SIPA1L2: variants seen among roughly 807,000 people sequenced by gnomAD.
SIPA1L2 encodes signal-induced proliferation-associated 1-like protein 2.
In SIPA1L2, 56 loss-of-function variants were observed where a neutral mutation model predicts 163.9. That is an observed-to-expected ratio of 0.34 (90% CI 0.28 to 0.43). The LOEUF is 0.43. SIPA1L2 is among the 20% of genes least tolerant of loss of function. The probability of loss-of-function intolerance (pLI) is 1.00; values close to 1 mark genes in which losing one functional copy is unlikely to be tolerated. For missense variants in SIPA1L2, 1,974 were observed against 2,193.5 expected (o/e 0.90, Z 2.00); for synonymous variants, 877 against 865.7 (o/e 1.01, Z -0.23).
At chr1:232,538,345 C>G (rs1431127085) in intron 2 of SIPA1L2, among the ~76,000 whole-genome samples, 2 of 152,168 alleles carry the variant, frequency 1.3e-5, no homozygotes, top group Non-Finnish European at 2.9e-5. Context: ...ACACCCACTT[C>G]TCTTCTCCAA....
chr1:232,594,213 A>T (rs1411651525), intron 1 of SIPA1L2, among the ~76,000 whole-genome samples: 3 of 152,202 alleles, frequency 2.0e-5, no homozygotes, highest in Non-Finnish European at 4.4e-5. Flanking sequence ...TGGAACTGAT[A>T]ACATAAGAAG....
chr1:232,480,325 AT>A (rs1241103200), intron 6 of SIPA1L2, among the ~76,000 whole-genome samples: 1 of 152,142 alleles, frequency 6.6e-6, no homozygotes, highest in Non-Finnish European at 1.5e-5. Context: ...AATGTAATTA[AT>A]TTTTTTCTTT....
At chr1:232,488,704 C>T (rs1665770737) in intron 5 of SIPA1L2, among the ~76,000 whole-genome samples, 1 of 152,156 alleles carries the variant, frequency 6.6e-6, no homozygotes, top group African/African-American at 2.4e-5. Context: ...TCATTGACAT[C>T]AGACTGTAAA....
At chr1:232,529,613 T>C (rs1450134172) in intron 2 of SIPA1L2, among the ~76,000 whole-genome samples, 1 of 152,176 alleles carries the variant, frequency 6.6e-6, no homozygotes, top group Non-Finnish European at 1.5e-5. Flanking sequence ...TCATGCTAGC[T>C]AAGATAATGT....
At chr1:232,628,355 C>CAA (rs1663190757) in intron 1 of SIPA1L2, among the ~76,000 whole-genome samples, 2 of 152,086 alleles carry the variant, frequency 1.3e-5, no homozygotes, top group Non-Finnish European at 2.9e-5. Context: ...GATTTATACC[C>CAA]AAAACTTAAG....
intron 1 of SIPA1L2, among the ~76,000 whole-genome samples, chr1:232,612,679 G>C (rs1662308330): frequency 6.6e-6 from 1 of 152,182 alleles, no homozygotes; most frequent in South Asian, 2.1e-4. Context: ...TATCTAAGAA[G>C]TAATTGGCTT....
intron 1 of SIPA1L2, among the ~76,000 whole-genome samples, chr1:232,611,898 C>A (rs1008868557): frequency 3.9e-5 from 6 of 152,334 alleles, no homozygotes; most frequent in Non-Finnish European, 7.3e-5. Context: ...ATATCAGAGG[C>A]CTTCCCAGCA....
intron 10 of SIPA1L2, among the ~76,000 whole-genome samples, chr1:232,451,356 C>G (rs1300093839): frequency 2.0e-5 from 3 of 152,274 alleles, no homozygotes; most frequent in Non-Finnish European, 4.4e-5. Flanking sequence ...TCCTCTCTCC[C>G]ACTTGGGGGG....
chr1:232,562,320 A>G (rs1262989249), intron 2 of SIPA1L2, among the ~76,000 whole-genome samples: 1 of 152,196 alleles, frequency 6.6e-6, no homozygotes, highest in Non-Finnish European at 1.5e-5. Context: ...CTTAAAGTCT[A>G]TCCCCTCCCT....
chr1:232,591,469 C>A (rs1298369997), intron 1 of SIPA1L2, among the ~76,000 whole-genome samples: 1 of 152,258 alleles, frequency 6.6e-6, no homozygotes, highest in Non-Finnish European at 1.5e-5. Context: ...AGCCCTTGGG[C>A]CAGGAGCCCC....
chr1:232,562,372 G>A (rs1304302113), intron 2 of SIPA1L2, among the ~76,000 whole-genome samples: 1 of 152,190 alleles, frequency 6.6e-6, no homozygotes, highest in African/African-American at 2.4e-5. Flanking sequence ...TAATTGCCTG[G>A]ATGAAAATTA....
At chr1:232,512,056 G>T (rs531040585) in intron 3 of SIPA1L2, among the ~76,000 whole-genome samples, 1 of 152,102 alleles carries the variant, frequency 6.6e-6, no homozygotes, top group Non-Finnish European at 1.5e-5. Context: ...TCAAAAAGTG[G>T]GCAAAGGATA....
intron 2 of SIPA1L2, among the ~76,000 whole-genome samples, chr1:232,566,760 G>A (rs79283802): frequency 0.015 from 2,273 of 152,284 alleles, 66 homozygotes; most frequent in African/African-American, 0.051. Flanking sequence ...TGTGTTTTTA[G>A]AAGTCTGATT....
intron 1 of SIPA1L2, among the ~76,000 whole-genome samples, chr1:232,593,886 G>A (rs545121177): frequency 6.6e-6 from 1 of 152,276 alleles, no homozygotes; most frequent in South Asian, 2.1e-4. Flanking sequence ...GGACATCCAG[G>A]GCAGACCCTG....
chr1:232,402,585 ATATAT>A (rs1297917424), intron 21 of SIPA1L2, 112 bp from the exon 22 acceptor site: 3 of 787,680 alleles, frequency 3.8e-6, no homozygotes, highest in Non-Finnish European at 5.9e-6. Flanking sequence ...CAGCAAGCAG[ATATAT>A]TATATTATGT....
At chr1:232,537,009 G>T (rs1236196064) in intron 2 of SIPA1L2, among the ~76,000 whole-genome samples, 2 of 152,182 alleles carry the variant, frequency 1.3e-5, no homozygotes, top group African/African-American at 4.8e-5. Flanking sequence ...GCCACAGCAG[G>T]TGGATCGCTG....
intron 10 of SIPA1L2, 135 bp from the exon 11 acceptor site, chr1:232,445,921 G>T (rs12723697): frequency 0.18 from 148,269 of 832,112 alleles, 15,306 homozygotes; most frequent in Non-Finnish European, 0.21. Flanking sequence ...GATGCAGAGC[G>T]ATCCACCCTT....
At chr1:232,610,172 A>G (rs907325608) in intron 1 of SIPA1L2, among the ~76,000 whole-genome samples, 1 of 152,214 alleles carries the variant, frequency 6.6e-6, no homozygotes, top group Non-Finnish European at 1.5e-5. Context: ...AGGTTTTAAA[A>G]TGTTGTACTG....
At chr1:232,485,121 G>A (rs1338785388) in intron 5 of SIPA1L2, among the ~76,000 whole-genome samples, 1 of 152,188 alleles carries the variant, frequency 6.6e-6, no homozygotes, top group Non-Finnish European at 1.5e-5. Context: ...ACTTAGAGTT[G>A]AGCAGGTAGA....
Sources: allele counts gnomAD v4.1 joint callset (sites outside exome capture counted in the v4.1 genomes callset), GRCh38; gene constraint gnomAD v4.1.1; transcripts MANE v1.5; gene names NCBI Gene and HGNC (gene_info 2026-07-23, HGNC 2026-07-21).